NHSL1: variants seen among roughly 807,000 people sequenced by gnomAD.
NHSL1 encodes the protein NHS-like protein 1.
Under a neutral mutation model 95.0 loss-of-function variants are expected in NHSL1, and 48 were observed. The observed-to-expected ratio is 0.51, with a 90% CI of 0.40 to 0.64. The LOEUF (loss-of-function observed/expected upper bound fraction) is 0.64, where lower values mean the gene tolerates loss of function less well. Ranked by LOEUF, NHSL1 falls within the 30% of genes least tolerant of loss-of-function variation. The pLI is 0.00. For synonymous variants in NHSL1, 783 were observed against 833.9 expected (o/e 0.94, Z 1.05); for missense variants, 1,971 against 2,077.7 (o/e 0.95, Z 1.00).
intron 1 of NHSL1, among the ~76,000 whole-genome samples, chr6:138,559,128 T>A (rs926702674): frequency 5.3e-5 from 8 of 152,182 alleles, no homozygotes. Flanking sequence ...CTCTGCTACA[T>A]ACAGGCTAGA....
At chr6:138,670,674 A>G (rs1562408412) in intron 1 of NHSL1, among the ~76,000 whole-genome samples, 2 of 151,526 alleles carry the variant, frequency 1.3e-5, no homozygotes, top group African/African-American at 4.8e-5. Flanking sequence ...TCAAAAAAAA[A>G]AAAAAAAAAA....
intron 1 of NHSL1, among the ~76,000 whole-genome samples, chr6:138,647,549 T>C (rs959775065): frequency 2.6e-5 from 4 of 152,072 alleles, no homozygotes; most frequent in Non-Finnish European, 1.5e-5. Context: ...TTGAAAACAA[T>C]TTTGTGAGGA....
chr6:138,430,712 A>T lies in NHSL1; in HGVS notation c.3633T>A (p.Asp1211Glu). The change falls in exon 6 of 8, where the codon GAT becomes GAA. Residue 1211 changes from aspartate to glutamate, a missense_variant. This residue lies in a region of NHSL1 where 1,602 missense variants were observed against 1,654.5 expected (regional missense o/e 0.97). Coordinates refer to ENST00000343505, the MANE Select transcript of NHSL1 (RefSeq NM_001144060.2). The surrounding 1 kb of genome is among the most constrained non-coding windows in gnomAD (Gnocchi z 4.7). Reference sequence around the variant, plus strand: ...CGTTCTCTGCGGGCTCCACTGCAAAATCTTTCTGCGGAGGTGGTACCACCA... The same window carrying T: ...CGTTCTCTGCGGGCTCCACTGCAAATTCTTTCTGCGGAGGTGGTACCACCA... ...LFLVVPPPQK[D>E]FAVEPAENVS... The T allele has an allele frequency of 6.4e-7, 1 of 1,551,634 alleles. No individual in the cohort carries two copies. Among genetic ancestry groups the T allele is most frequent in the Non-Finnish European group, 8.7e-7 (1 of 1,146,990 alleles).
chr6:138,478,699 A>G (rs1368603865), intron 2 of NHSL1, among the ~76,000 whole-genome samples: 2 of 152,250 alleles, frequency 1.3e-5, no homozygotes, highest in African/African-American at 4.8e-5. Context: ...TCCTAAATGT[A>G]AAAGAAGACC....
intron 1 of NHSL1, among the ~76,000 whole-genome samples, chr6:138,663,595 C>G (rs554282095): frequency 6.7e-6 from 1 of 148,686 alleles, no homozygotes. Context: ...CTAGGCCGGG[C>G]ACGGTGGCTC....
At chr6:138,487,122 A>G (rs2128273034) in intron 2 of NHSL1, among the ~76,000 whole-genome samples, 1 of 150,532 alleles carries the variant, frequency 6.6e-6, no homozygotes, top group South Asian at 2.1e-4. Flanking sequence ...TGAAGGCACA[A>G]AGTAAAAAAA....
At position 138,455,465 on chromosome 6, in the gene NHSL1, G is replaced by GAGCCCCGCCTTCACATGCTCCCTGCAAGA. The variant is rs1562287607; in HGVS notation, c.340-8273_340-8272insTCTTGCAGGGAGCATGTGAAGGCGGGGCT. Among the ~76,000 whole-genome samples, 115 of 14,232 alleles carry GAGCCCCGCCTTCACATGCTCCCTGCAAGA rather than the reference G, an allele frequency of 8.1e-3. 6 individuals carry two copies. Among genetic ancestry groups the GAGCCCCGCCTTCACATGCTCCCTGCAAGA allele is most frequent in the East Asian group, 0.059 (47 of 796 alleles). The allele number at this position is 14,232 out of a possible 152,430, so 9.3% of individuals were successfully genotyped here. A position where few individuals can be genotyped will look rare whatever the true frequency, so the allele number is the denominator to read the frequency against. On this transcript the variant is annotated intron_variant, in intron 3 of 7. Coordinates refer to ENST00000343505, the MANE Select transcript of NHSL1 (RefSeq NM_001144060.2). ...GCGATGAAAAGAAATGAGCTGCAAG[G>GAGCCCCGCCTTCACATGCTCCCTGCAAGA]AGCCCCGCCTTCACATGCTCCCTGC...
chr6:138,499,648 C>T (rs747641526), upstream of NHSL1, among the ~76,000 whole-genome samples: 5 of 152,192 alleles, frequency 3.3e-5, no homozygotes, highest in Non-Finnish European at 7.3e-5. Flanking sequence ...TTCTCTCCAA[C>T]AGATCAGAAG....
intron 1 of NHSL1, among the ~76,000 whole-genome samples, chr6:138,609,032 C>T (rs905983835): frequency 7.9e-5 from 12 of 152,212 alleles, no homozygotes; most frequent in Non-Finnish European, 1.3e-4. Context: ...ACACTATATA[C>T]ACTTTTTTTG....
intron 1 of NHSL1, among the ~76,000 whole-genome samples, chr6:138,578,299 T>C (rs909952232): frequency 6.6e-6 from 1 of 152,200 alleles, no homozygotes; most frequent in Non-Finnish European, 1.5e-5. Context: ...TGGGATCACT[T>C]GATACAGAAG....
chr6:138,654,481 C>A lies in NHSL1; in HGVS notation c.96+37995G>T, dbSNP rs192431034. Reference sequence around the variant, plus strand: ...ACCAATAGATGTGTAAAGACACTGGCCATTGATAAGAAAATACTTAAGGTA... The same window carrying A: ...ACCAATAGATGTGTAAAGACACTGGACATTGATAAGAAAATACTTAAGGTA... On this transcript the variant is annotated intron_variant, in intron 1 of 3. Coordinates refer to the NHSL1 transcript ENST00000491526. Among the ~76,000 whole-genome samples the A allele has an allele frequency of 5.3e-5, 8 of 151,990 alleles. No individual in the cohort carries two copies. The East Asian group carries it at 1.5e-3, about 29-fold the overall frequency.
intron 3 of NHSL1, among the ~76,000 whole-genome samples, chr6:138,458,212 C>T (rs556879851): frequency 6.6e-6 from 1 of 152,276 alleles, no homozygotes; most frequent in South Asian, 2.1e-4. Flanking sequence ...GACTTCTATT[C>T]TGTTTTTAAT....
At chr6:138,522,728 T>A (rs866501147) in intron 1 of NHSL1, among the ~76,000 whole-genome samples, 1 of 152,174 alleles carries the variant, frequency 6.6e-6, no homozygotes, top group Non-Finnish European at 1.5e-5. Flanking sequence ...GGAAGATCAC[T>A]TGGGCCCAGG....
chr6:138,666,940 A>T (rs1785303233), intron 1 of NHSL1, among the ~76,000 whole-genome samples: 1 of 152,192 alleles, frequency 6.6e-6, no homozygotes, highest in African/African-American at 2.4e-5. Context: ...TTCCAGATTC[A>T]ATTTTTTTTT....
chr6:138,633,640 C>T (rs6940013), intron 1 of NHSL1, among the ~76,000 whole-genome samples: 14,858 of 152,154 alleles, frequency 0.098, 910 homozygotes, highest in African/African-American at 0.17. Context: ...CAAAAGCTGA[C>T]GGATTTCAAT....
intron 1 of NHSL1, among the ~76,000 whole-genome samples, chr6:138,504,706 G>T (rs560458161): frequency 6.6e-6 from 1 of 152,320 alleles, no homozygotes. Context: ...TGTAGGGCCA[G>T]TGCTGCATTT....
At chr6:138,506,272 C>T (rs1002876211) in intron 1 of NHSL1, among the ~76,000 whole-genome samples, 8 of 152,114 alleles carry the variant, frequency 5.3e-5, no homozygotes, top group Non-Finnish European at 4.4e-5. Context: ...AATTATGTTT[C>T]CTGTTTTTAT....
At chr6:138,571,872 G>T in exon 1 of NHSL1, 1 of 1,551,676 alleles carries the variant, frequency 6.4e-7, no homozygotes, top group Non-Finnish European at 8.7e-7. Context: ...CCTGTATTCG[G>T]CTGGAGTCTG....
At chr6:138,453,312 T>C (rs543868178) in intron 3 of NHSL1, among the ~76,000 whole-genome samples, 2 of 151,942 alleles carry the variant, frequency 1.3e-5, no homozygotes, top group African/African-American at 4.8e-5. Context: ...ATTAGTCCCT[T>C]TACCTCAAAT....
Sources: gnomAD v4.1 joint callset for allele counts (sites outside exome capture counted in the v4.1 genomes callset) on GRCh38, gnomAD v4.1.1 for gene constraint, gnomAD v4.1.1 regional missense constraint, Gnocchi (gnomAD v3.1) non-coding constraint, MANE v1.5 for transcripts, NCBI Gene and HGNC (gene_info 2026-07-23, HGNC 2026-07-21) for gene names.